EPHB3: variants seen among roughly 807,000 people sequenced by gnomAD.
EPHB3 encodes the protein ephrin type-B receptor 3.
EPHB3 carries 33 observed loss-of-function variants against 100.2 expected under a neutral mutation model. That is an observed-to-expected ratio of 0.33 (90% CI 0.25 to 0.44). EPHB3 has a LOEUF of 0.44. Ranked by LOEUF, EPHB3 falls within the 20% of genes least tolerant of loss-of-function variation. The pLI is 1.00. For synonymous variants in EPHB3, 526 were observed against 554.7 expected, an observed-to-expected ratio of 0.95 and a Z score of 0.73; for missense variants, 1,045 against 1,378.3, an observed-to-expected ratio of 0.76 and a Z score of 3.83.
chr3:184,582,384 C>G lies in EPHB3; in HGVS notation c.*762C>G, dbSNP rs532197412. Reference sequence around the variant, plus strand: ...CCTACAATGGGGCCAGCTGGGCCGACAGCAGAATAAAGGCAATAAGATGAT... The same window carrying G: ...CCTACAATGGGGCCAGCTGGGCCGAGAGCAGAATAAAGGCAATAAGATGAT... On this transcript the variant is annotated 3_prime_UTR_variant, in exon 16 of 16. Transcript: ENST00000330394. 6.6e-6 allele frequency: 1 copy of G among 152,402 alleles called. No individual in the cohort carries two copies. Among genetic ancestry groups the G allele is most frequent in the Admixed American group, 6.5e-5 (1 of 15,312 alleles). 9.4% of individuals were successfully genotyped at this position (152,402 alleles called of 1,614,324 possible).
At chr3:184,568,505 G>A (rs533426401) in intron 1 of EPHB3, among the ~76,000 whole-genome samples, 1 of 152,114 alleles carries the variant, frequency 6.6e-6, no homozygotes, top group Non-Finnish European at 1.5e-5. Flanking sequence ...ACACACACGT[G>A]CACACACATG....
intron 1 of EPHB3, among the ~76,000 whole-genome samples, chr3:184,564,351 T>C (rs1714330659): frequency 6.6e-6 from 1 of 152,200 alleles, no homozygotes; most frequent in South Asian, 2.1e-4. Flanking sequence ...GGTCTCCAGT[T>C]CGTGCGTGGG....
At chr3:184,570,127 CG>C (rs1714503582) in intron 1 of EPHB3, among the ~76,000 whole-genome samples, 1 of 152,138 alleles carries the variant, frequency 6.6e-6, no homozygotes. Flanking sequence ...GAACACAGGC[CG>C]GGTACTGTGA....
At chr3:184,566,407 C>A (rs920160559) in intron 1 of EPHB3, among the ~76,000 whole-genome samples, 2 of 152,224 alleles carry the variant, frequency 1.3e-5, no homozygotes, top group East Asian at 1.9e-4. Flanking sequence ...ATGTTCCCCC[C>A]ACCCCATCCC....
rs1714310673 is a variant in EPHB3 at position 184,563,468 on chromosome 3, GTTCACAGTCGGTAAACTTAAA to G, written c.118+1116_118+1136del. On this transcript the variant is annotated intron_variant, in intron 1 of 15. Coordinates refer to ENST00000330394, the MANE Select transcript of EPHB3 (RefSeq NM_004443.4). This position sits in a 1 kb window ranked among gnomAD's most constrained non-coding sequence, Gnocchi z 4.1. ...TCTGTGGAACTTGGCTTGTTCTTATGTTCACAGTCGGTAAACTTAAAGGTTGGAAGGAAAAAAGAACACAGT... is the reference window on the plus strand; with the variant it reads ...TCTGTGGAACTTGGCTTGTTCTTATGGGTTGGAAGGAAAAAAGAACACAGT... Among the ~76,000 whole-genome samples the G allele has an allele frequency of 6.6e-6, 1 of 152,148 alleles. No homozygotes were observed. The highest frequency in any genetic ancestry group is 1.5e-5 in the Non-Finnish European group (1 of 68,038).
Position 184,569,015 on chromosome 3 carries a change from A to G in EPHB3, c.119-2303A>G, listed in dbSNP as rs1382203092. Reference sequence around the variant, plus strand: ...CCCTCCGCTCCCTCCTCCCGGAGCCAGCGCAGGGCTTGTTTTAAACTGTGG... The same window carrying G: ...CCCTCCGCTCCCTCCTCCCGGAGCCGGCGCAGGGCTTGTTTTAAACTGTGG... On this transcript the variant is annotated intron_variant, in intron 1 of 15. Coordinates refer to ENST00000330394, the MANE Select transcript of EPHB3 (RefSeq NM_004443.4). This position sits in a 1 kb window ranked among gnomAD's most constrained non-coding sequence, Gnocchi z 5.4. Among the ~76,000 whole-genome samples, 3 of 151,112 alleles carry G rather than the reference A, an allele frequency of 2.0e-5. No homozygotes were observed. The highest frequency in any genetic ancestry group is 6.6e-5 in the Admixed American group (1 of 15,232).
chr3:184,577,647 T>C lies in EPHB3; in HGVS notation c.1480-11T>C. 6.3e-7 allele frequency: 1 copy of C among 1,585,624 alleles called. No individual in the cohort carries two copies. The highest frequency in any genetic ancestry group is 1.1e-5 in the South Asian group (1 of 87,692). ...CCACCTGAGGGTGCCCCCTCTCTCC[T>C]GGCATTGCAGAGCGAGGGCATCGCC... On this transcript the variant is annotated splice_polypyrimidine_tract_variant and intron_variant, in intron 6 of 15. Transcript: ENST00000330394. This position sits in a 1 kb window ranked among gnomAD's most constrained non-coding sequence, Gnocchi z 4.9.
rs546248131 is a variant in EPHB3, at chr3:184,579,140, G to T, written c.1802-337G>T. Among the ~76,000 whole-genome samples, 1 of 152,262 alleles carries T rather than the reference G, an allele frequency of 6.6e-6. No individual in the cohort carries two copies. Among genetic ancestry groups the T allele is most frequent in the East Asian group, 1.9e-4 (1 of 5,186 alleles). On this transcript the variant is annotated intron_variant, in intron 9 of 15. Coordinates refer to ENST00000330394, the MANE Select transcript of EPHB3 (RefSeq NM_004443.4). This position sits in a 1 kb window ranked among gnomAD's most constrained non-coding sequence, Gnocchi z 5.2. ...AAGACAGCGGTATGCAGGATAGCTC[G>T]GTGGGAAAAGTCCAGAGGCAGAGAG...
At position 184,579,714 on chromosome 3, in the gene EPHB3, G is replaced by T. The variant is rs758750221; in HGVS notation, c.1952G>T (p.Arg651Leu). 1.9e-6 allele frequency: 3 copies of T among 1,612,086 alleles called. 1 individual carries two copies. The highest frequency in any genetic ancestry group is 2.2e-5 in the South Asian group (2 of 90,944). ...GAATTTGGGGAAGTGTGCCGTGGTC[G>T]ACTGAAACAGCCTGGCCGCCGAGAG... ...AGEFGEVCRGRLKQPGRREVF... is the reference protein window; with the variant it reads ...AGEFGEVCRGLLKQPGRREVF... The change falls in exon 11 of 16, where the codon CGA becomes CTA. Residue 651 changes from arginine (R) to leucine (L), a missense_variant. Physicochemically the swap from Arg to Leu is moderately radical, Grantham distance 102. This residue lies in a region of EPHB3 where 985 missense variants were observed against 1,331.1 expected (regional missense o/e 0.74). Transcript: ENST00000330394. This position sits in a 1 kb window ranked among gnomAD's most constrained non-coding sequence, Gnocchi z 5.2.
chr3:184,566,059 C>T (rs1560053140), intron 1 of EPHB3, among the ~76,000 whole-genome samples: 1 of 152,216 alleles, frequency 6.6e-6, no homozygotes, highest in Non-Finnish European at 1.5e-5. Context: ...AGACTGGATA[C>T]AGCTGGGCAC....
At chr3:184,568,014 G>A (rs1025745732) in intron 1 of EPHB3, among the ~76,000 whole-genome samples, 1 of 152,154 alleles carries the variant, frequency 6.6e-6, no homozygotes, top group Non-Finnish European at 1.5e-5. Context: ...GTTTGTGGGC[G>A]GCTGTGGCTT....
In EPHB3 at chr3:184,573,082, C is replaced by T. The variant is rs754705525; in HGVS notation, c.762C>T (p.Leu254=). 6.2e-7 allele frequency: 1 copy of T among 1,613,010 alleles called. No individual in the cohort carries two copies. ...TGGAGGTGTCGGTGCCACTCAAGCT[C>T]TACTGCAACGGCGATGGGGAGTGGA... is the stretch of plus-strand genomic sequence containing the variant. ...NAVEVSVPLK[L]YCNGDGEWMV... Residue 254 remains leucine, a synonymous_variant, in exon 3 of 16, where the codon CTC becomes CTT. Coordinates refer to ENST00000330394, the MANE Select transcript of EPHB3 (RefSeq NM_004443.4). The surrounding 1 kb of genome is among the most constrained non-coding windows in gnomAD (Gnocchi z 4.5).
chr3:184,568,601 C>G lies in EPHB3; in HGVS notation c.119-2717C>G, dbSNP rs567079761. 2.0e-4 allele frequency among the ~76,000 whole-genome samples: 30 copies of G among 150,620 alleles called. No individual in the cohort carries two copies. In the East Asian group the frequency reaches 5.3e-3, roughly 26 times the overall value. On this transcript the variant is annotated intron_variant, in intron 1 of 15. Coordinates refer to ENST00000330394, the MANE Select transcript of EPHB3 (RefSeq NM_004443.4). ...ACAGATGGGTTCTATGACCCCCCCC[C>G]CACATCCCCCTCACCTCCTGCCGAA...
rs773552328 is a variant in EPHB3 at position 184,577,047 on chromosome 3, G to A, written c.1218G>A (p.Thr406=). 6.2e-6 allele frequency: 10 copies of A among 1,613,784 alleles called. No individual in the cohort carries two copies. Among genetic ancestry groups the A allele is most frequent in the East Asian group, 2.2e-5 (1 of 44,884 alleles). Reference sequence around the variant, plus strand: ...TTGTGCCTCGGCAGCTGGGCCTGACGGAGCGCCGGGTCCACATCAGCCATC... The same window carrying A: ...TTGTGCCTCGGCAGCTGGGCCTGACAGAGCGCCGGGTCCACATCAGCCATC... ...VEFVPRQLGL[T]ERRVHISHLL... Residue 406 remains threonine (T), a synonymous_variant, in exon 5 of 16, where the codon ACG becomes ACA. Coordinates refer to ENST00000330394, the MANE Select transcript of EPHB3 (RefSeq NM_004443.4). The surrounding 1 kb of genome is among the most constrained non-coding windows in gnomAD (Gnocchi z 4.9).
Position 184,573,068 on chromosome 3 carries a change from G to A in EPHB3, c.748G>A (p.Val250Met). The change falls in exon 3 of 16, where the codon GTG becomes ATG. Residue 250 changes from valine (V) to methionine (M), a missense_variant. Transcript: ENST00000330394. The surrounding 1 kb of genome is among the most constrained non-coding windows in gnomAD (Gnocchi z 4.5). Reference sequence around the variant, plus strand: ...CATCCCTAACGCCGTGGAGGTGTCGGTGCCACTCAAGCTCTACTGCAACGG... The same window carrying A: ...CATCCCTAACGCCGTGGAGGTGTCGATGCCACTCAAGCTCTACTGCAACGG... ...TCIPNAVEVS[V>M]PLKLYCNGDG... 3.1e-6 allele frequency: 5 copies of A among 1,613,230 alleles called. No homozygotes were observed. The highest frequency in any genetic ancestry group is 4.2e-6 in the Non-Finnish European group (5 of 1,180,038).
In EPHB3 at chr3:184,572,156, T is replaced by C. The variant is rs1714553712; in HGVS notation, c.184-348T>C. On this transcript the variant is annotated intron_variant, in intron 2 of 15. Transcript: ENST00000330394. This position sits in a 1 kb window ranked among gnomAD's most constrained non-coding sequence, Gnocchi z 6.6. ...GTTCCAAGCAGCCCCATTTTACAGA[T>C]GACAAAACTGAGGTATAAAGATAAC... 6.6e-6 allele frequency among the ~76,000 whole-genome samples: 1 copy of C among 152,338 alleles called. No homozygotes were observed. The highest frequency in any genetic ancestry group is 2.4e-5 in the African/African-American group (1 of 41,574).
At position 184,578,508 on chromosome 3, in the gene EPHB3, C is replaced by G. The variant is rs375598096; in HGVS notation, c.1801+42C>G. 29 of 1,612,452 alleles carry G rather than the reference C, an allele frequency of 1.8e-5. No homozygotes were observed. The African/African-American group carries it at 3.6e-4, about 20-fold the overall frequency. ...CGCCCTCCCCAAGCTCTCCCAGCCC[C>G]CTGCAGGGCTCTCAGACACCCTTCT... On this transcript the variant is annotated intron_variant, in intron 9 of 15. Coordinates refer to ENST00000330394, the MANE Select transcript of EPHB3 (RefSeq NM_004443.4). The surrounding 1 kb of genome is among the most constrained non-coding windows in gnomAD (Gnocchi z 4.7).
At position 184,581,297 on chromosome 3, in the gene EPHB3, C is replaced by G. The variant is rs143430250; in HGVS notation, c.2777C>G (p.Thr926Ser). 6.2e-7 allele frequency: 1 copy of G among 1,606,970 alleles called. No individual in the cohort carries two copies. The highest frequency in any genetic ancestry group is 1.1e-5 in the South Asian group (1 of 89,498). ...LLDRTVPDYT[T>S]FTTVGDWLDA... ...GACCGCACGGTCCCAGATTACACAA[C>G]CTTCACGACAGTTGGTGATTGGCTG... Residue 926 changes from threonine (T) to serine (S), a missense_variant, in exon 15 of 16, where the codon ACC becomes AGC. By Grantham distance (58) the Thr-to-Ser change is moderately conservative. Transcript: ENST00000330394.
chr3:184,581,338 G>T lies in EPHB3; in HGVS notation c.2818G>T (p.Gly940Trp). The T allele has an allele frequency of 1.9e-6, 3 of 1,610,520 alleles. No individual in the cohort carries two copies. Among genetic ancestry groups the T allele is most frequent in the Non-Finnish European group, 2.5e-6 (3 of 1,177,928 alleles). ...TGATTGGCTGGATGCCATCAAGATG[G>T]GGCGGTACAAGGAGAGCTTCGTCAG... is the stretch of plus-strand genomic sequence containing the variant. The part of the protein sequence containing the change: ...VGDWLDAIKM[G>W]RYKESFVSAG... Residue 940 changes from glycine (G) to tryptophan (W), a missense_variant, in exon 15 of 16, where the codon GGG becomes TGG. By Grantham distance (184) the Gly-to-Trp change is radical (BLOSUM62 -2). This residue lies in a region of EPHB3 where 985 missense variants were observed against 1,331.1 expected (regional missense o/e 0.74). Coordinates refer to ENST00000330394, the MANE Select transcript of EPHB3 (RefSeq NM_004443.4).
Sources: allele counts gnomAD v4.1 joint callset (sites outside exome capture counted in the v4.1 genomes callset), GRCh38; gene constraint gnomAD v4.1.1; regional missense constraint gnomAD v4.1.1; non-coding constraint Gnocchi (gnomAD v3.1); transcripts MANE v1.5; gene names NCBI Gene and HGNC (gene_info 2026-07-23, HGNC 2026-07-21).